The following KCNIP4 variants were observed in gnomAD, a reference collection of about 807,000 sequenced individuals.
KCNIP4 encodes potassium voltage-gated channel interacting protein 4, also known as Kv channel-interacting protein 4.
Under a neutral mutation model 34.0 loss-of-function variants are expected in KCNIP4, and 12 were observed. The ratio of observed to expected loss-of-function variants is 0.35; its 90% CI spans 0.23 to 0.57. The LOEUF is 0.57. KCNIP4 is among the 20% of genes least tolerant of loss of function. The pLI is 0.83. For missense variants in KCNIP4, 238 were observed against 311.7 expected (o/e 0.76, Z 1.78); for synonymous variants, 124 against 102.2 (o/e 1.21, Z -1.29).
At chr4:21,215,766 A>C (rs1243910332) in intron 1 of KCNIP4, among the ~76,000 whole-genome samples, 2 of 152,136 alleles carry the variant, frequency 1.3e-5, no homozygotes, top group African/African-American at 4.8e-5. Context: ...TAGCAATTAA[A>C]ATTAAAGGTT....
At chr4:21,699,197 A>G (rs958406603) in intron 1 of KCNIP4, among the ~76,000 whole-genome samples, 2 of 152,198 alleles carry the variant, frequency 1.3e-5, no homozygotes, top group African/African-American at 4.8e-5. Flanking sequence ...TAGAATGCAT[A>G]TTTTATTTAC....
At chr4:21,693,002 T>C (rs186460828) in intron 1 of KCNIP4, among the ~76,000 whole-genome samples, 12 of 152,014 alleles carry the variant, frequency 7.9e-5, no homozygotes, top group African/African-American at 2.7e-4. Flanking sequence ...AATATGATTC[T>C]GTGTTCTATC....
chr4:20,878,204 G>A (rs1724274696), intron 2 of KCNIP4, among the ~76,000 whole-genome samples: 1 of 152,054 alleles, frequency 6.6e-6, no homozygotes, highest in African/African-American at 2.4e-5. Flanking sequence ...AAGGTGGTTG[G>A]GAACATCAAC....
intron 1 of KCNIP4, among the ~76,000 whole-genome samples, chr4:21,013,565 C>G (rs1005480492): frequency 6.6e-6 from 1 of 152,148 alleles, no homozygotes; most frequent in Non-Finnish European, 1.5e-5. Flanking sequence ...ATGATGGAAG[C>G]TACTGCAGCC....
intron 1 of KCNIP4, among the ~76,000 whole-genome samples, chr4:20,935,104 C>T (rs978029312): frequency 1.3e-5 from 2 of 152,138 alleles, no homozygotes; most frequent in African/African-American, 4.8e-5. Flanking sequence ...AAAACCCAAC[C>T]AAATCCAATA....
At chr4:21,841,467 T>G (rs1313728641) in intron 1 of KCNIP4, among the ~76,000 whole-genome samples, 1 of 152,194 alleles carries the variant, frequency 6.6e-6, no homozygotes, top group Non-Finnish European at 1.5e-5. Context: ...GAATGTGACT[T>G]CCAACCTTAT....
intron 3 of KCNIP4, among the ~76,000 whole-genome samples, chr4:20,821,780 A>G (rs144026970): frequency 1.5e-3 from 230 of 151,446 alleles, no homozygotes; most frequent in Non-Finnish European, 2.6e-3. Flanking sequence ...ATGGCCTCCA[A>G]CTCCATTCAA....
chr4:21,154,809 T>A (rs1753030959), intron 1 of KCNIP4, among the ~76,000 whole-genome samples: 1 of 152,146 alleles, frequency 6.6e-6, no homozygotes, highest in Non-Finnish European at 1.5e-5. Flanking sequence ...TTTTCCTCTT[T>A]TTGTCTTTCT....
At chr4:21,465,599 A>G (rs943521565) in intron 1 of KCNIP4, among the ~76,000 whole-genome samples, 3 of 152,188 alleles carry the variant, frequency 2.0e-5, no homozygotes, top group Non-Finnish European at 4.4e-5. Flanking sequence ...ACTATAAAAC[A>G]TGACTCTGAA....
intron 1 of KCNIP4, among the ~76,000 whole-genome samples, chr4:21,095,900 A>C (rs1747421228): frequency 6.6e-6 from 1 of 152,168 alleles, no homozygotes; most frequent in Non-Finnish European, 1.5e-5. Flanking sequence ...ATCCAACACA[A>C]ATGCTGAAAC....
At chr4:21,336,467 T>G (rs1716189704) in intron 1 of KCNIP4, among the ~76,000 whole-genome samples, 1 of 152,146 alleles carries the variant, frequency 6.6e-6, no homozygotes, top group Admixed American at 6.5e-5. Flanking sequence ...TTTTATTCTA[T>G]TCATCAAGGT....
At chr4:21,897,589 G>T (rs918926203) in intron 1 of KCNIP4, among the ~76,000 whole-genome samples, 1 of 151,950 alleles carries the variant, frequency 6.6e-6, no homozygotes. Flanking sequence ...GAGTTTGGAG[G>T]GCAAGAAAAC....
intron 1 of KCNIP4, among the ~76,000 whole-genome samples, chr4:21,533,001 T>TATATGTATATATAC (rs1276226372): frequency 9.2e-5 from 13 of 140,692 alleles, no homozygotes; most frequent in Middle Eastern, 3.6e-3. Context: ...AGTGTGTATA[T>TATATGTATATATAC]ATATGTATAT....
intron 1 of KCNIP4, among the ~76,000 whole-genome samples, chr4:20,923,474 C>T (rs184566530): frequency 6.6e-6 from 1 of 152,072 alleles, no homozygotes; most frequent in Non-Finnish European, 1.5e-5. Context: ...CTTCATTGTA[C>T]TCACCTATAT....
chr4:21,248,639 C>A (rs1760465816), intron 1 of KCNIP4, among the ~76,000 whole-genome samples: 1 of 152,104 alleles, frequency 6.6e-6, no homozygotes, highest in Non-Finnish European at 1.5e-5. Context: ...GATTAATTTA[C>A]TCTTACAATA....
At chr4:21,608,033 C>G (rs1743851714) in intron 1 of KCNIP4, among the ~76,000 whole-genome samples, 1 of 152,080 alleles carries the variant, frequency 6.6e-6, no homozygotes, top group South Asian at 2.1e-4. Context: ...AAGGCTTGCC[C>G]TGCTCTGCAA....
At chr4:20,946,474 C>T (rs1369623173) in intron 1 of KCNIP4, among the ~76,000 whole-genome samples, 1 of 152,058 alleles carries the variant, frequency 6.6e-6, no homozygotes, top group Non-Finnish European at 1.5e-5. Context: ...TCATGCAGGG[C>T]CTGTGTGTAC....
chr4:21,208,816 G>A (rs1014340111), intron 1 of KCNIP4, among the ~76,000 whole-genome samples: 2 of 152,190 alleles, frequency 1.3e-5, no homozygotes, highest in East Asian at 1.9e-4. Context: ...CATGGCTCAG[G>A]AGGCGTCAGG....
intron 1 of KCNIP4, among the ~76,000 whole-genome samples, chr4:21,361,627 C>A (rs1719233565): frequency 6.6e-6 from 1 of 151,372 alleles, no homozygotes; most frequent in Non-Finnish European, 1.5e-5. Flanking sequence ...GAACTAGTTA[C>A]AATTTTTAAG....
Sources: gnomAD v4.1 joint callset for allele counts (sites outside exome capture counted in the v4.1 genomes callset) on GRCh38, gnomAD v4.1.1 for gene constraint, MANE v1.5 for transcripts, NCBI Gene and HGNC (gene_info 2026-07-23, HGNC 2026-07-21) for gene names.